ZBTB26: variants seen among roughly 807,000 people sequenced by gnomAD.
ZBTB26 encodes zinc finger and BTB domain-containing protein 26.
A neutral mutation model predicts 31.6 loss-of-function variants in ZBTB26; 12 were observed. The ratio of observed to expected loss-of-function variants is 0.38; its 90% CI spans 0.24 to 0.61. The LOEUF is 0.61. ZBTB26 is among the 20% of genes least tolerant of loss of function. The pLI is 0.60. For missense variants in ZBTB26, 311 were observed against 521.9 expected, an observed-to-expected ratio of 0.60 and a Z score of 3.94; for synonymous variants, 155 against 182.9, an observed-to-expected ratio of 0.85 and a Z score of 1.23.
At chr9:122,920,994 T>A (rs1833089512) in intron 1 of ZBTB26, among the ~76,000 whole-genome samples, 1 of 152,194 alleles carries the variant, frequency 6.6e-6, no homozygotes, top group African/African-American at 2.4e-5. Context: ...CTTCAGTGAC[T>A]TCCCGTTGTC....
intron 1 of ZBTB26, among the ~76,000 whole-genome samples, chr9:122,924,967 T>C (rs1833155671): frequency 1.3e-5 from 2 of 152,178 alleles, no homozygotes; most frequent in African/African-American, 4.8e-5. Flanking sequence ...AAAAAAAATT[T>C]TTTTTGATAG....
Position 122,919,924 on chromosome 9 carries a change from C to T in ZBTB26, c.11G>A (p.Arg4Lys). The part of the protein sequence containing the change: MSE[R>K]SDLLHFKFEN... ...AAACTTGAAGTGAAGGAGATCTGATCTTTCAGACATTTTGGCAGACCTAAA... is the reference window on the plus strand; with the variant it reads ...AAACTTGAAGTGAAGGAGATCTGATTTTTCAGACATTTTGGCAGACCTAAA... Residue 4 changes from arginine (R) to lysine (K), a missense_variant, in exon 2 of 2, where the codon AGA (arginine) becomes AAA (lysine). Physicochemically the swap from Arg to Lys is conservative, Grantham distance 26. This residue lies in a region of ZBTB26 where 25 missense variants were observed against 32.3 expected (regional missense o/e 0.77). Coordinates refer to ENST00000373656, the MANE Select transcript of ZBTB26 (RefSeq NM_020924.4). This position sits in a 1 kb window ranked among gnomAD's most constrained non-coding sequence, Gnocchi z 6.1. The T allele has an allele frequency of 3.2e-6, 5 of 1,579,032 alleles. No individual in the cohort carries two copies. Among genetic ancestry groups the T allele is most frequent in the Non-Finnish European group, 3.4e-6 (4 of 1,165,166 alleles).
At chr9:122,923,503 T>C (rs529501458) in intron 1 of ZBTB26, among the ~76,000 whole-genome samples, 1 of 152,368 alleles carries the variant, frequency 6.6e-6, no homozygotes, top group African/African-American at 2.4e-5. Context: ...TGGTCACTTT[T>C]AGCAACTGCA....
At position 122,918,538 on chromosome 9, in the gene ZBTB26, A is replaced by G; in HGVS notation, c.*71T>C. 6.5e-7 allele frequency: 1 copy of G among 1,538,060 alleles called. No individual in the cohort carries two copies. Among genetic ancestry groups the G allele is most frequent in the Non-Finnish European group, 8.7e-7 (1 of 1,147,960 alleles). On this transcript the variant is annotated 3_prime_UTR_variant, in exon 2 of 2. Transcript: ENST00000373656. Reference sequence around the variant, plus strand: ...GCTTTGGAGAAGTCAAACTAGCAAAATCACTCCTAAAAAGACTAAGACTAT... The same window carrying G: ...GCTTTGGAGAAGTCAAACTAGCAAAGTCACTCCTAAAAAGACTAAGACTAT...
intron 1 of ZBTB26, among the ~76,000 whole-genome samples, chr9:122,920,354 C>T (rs757770060): frequency 9.4e-4 from 143 of 152,164 alleles, no homozygotes; most frequent in Non-Finnish European, 1.2e-3. Flanking sequence ...AAACTGTGAA[C>T]CTGCTTCTTC....
At position 122,917,622 on chromosome 9, in the gene ZBTB26, A is replaced by C. The variant is rs1202740888; in HGVS notation, c.*987T>G. On this transcript the variant is annotated 3_prime_UTR_variant, in exon 2 of 2. Coordinates refer to ENST00000373656, the MANE Select transcript of ZBTB26 (RefSeq NM_020924.4). Reference sequence around the variant, plus strand: ...CTAACTTTTATCATCCGTTTTAGAAATTAAGGTACATGAGGAAACGAAAAT... The same window carrying C: ...CTAACTTTTATCATCCGTTTTAGAACTTAAGGTACATGAGGAAACGAAAAT... 1.3e-5 allele frequency: 2 copies of C among 152,200 alleles called. No homozygotes were observed. Among genetic ancestry groups the C allele is most frequent in the Non-Finnish European group, 2.9e-5 (2 of 68,030 alleles). 9.4% of individuals were successfully genotyped at this position (152,200 alleles called of 1,614,324 possible). A position where few individuals can be genotyped will look rare whatever the true frequency, so the allele number is the denominator to read the frequency against.
In ZBTB26 at chr9:122,917,853, C is replaced by T. The variant is rs1173463224; in HGVS notation, c.*756G>A. On this transcript the variant is annotated 3_prime_UTR_variant, in exon 2 of 2. Coordinates refer to ENST00000373656, the MANE Select transcript of ZBTB26 (RefSeq NM_020924.4). ...CACATTAATTATAAGCATATGGCCT[C>T]TTATGGGACATGCTACCAGAGAAAC... The T allele has an allele frequency of 1.3e-5, 2 of 152,210 alleles. No homozygotes were observed. The highest frequency in any genetic ancestry group is 4.8e-5 in the African/African-American group (2 of 41,438). The allele number at this position is 152,210 out of a possible 1,614,324, so 9.4% of individuals were successfully genotyped here. A position where few individuals can be genotyped will look rare whatever the true frequency, so the allele number is the denominator to read the frequency against.
At chr9:122,927,167 T>C (rs776085914) in intron 1 of ZBTB26, among the ~76,000 whole-genome samples, 1 of 152,228 alleles carries the variant, frequency 6.6e-6, no homozygotes, top group Non-Finnish European at 1.5e-5. Context: ...CTGAATACTG[T>C]TGAGTTTCTA....
chr9:122,927,400 T>C (rs1252278918), intron 1 of ZBTB26, among the ~76,000 whole-genome samples: 1 of 152,230 alleles, frequency 6.6e-6, no homozygotes. Context: ...TTTTCTCAAA[T>C]GCTTCTAATA....
intron 1 of ZBTB26, among the ~76,000 whole-genome samples, chr9:122,927,923 C>T (rs1200026774): frequency 2.0e-5 from 3 of 152,030 alleles, no homozygotes; most frequent in South Asian, 4.1e-4. Context: ...GCAACCTCCA[C>T]CTCCGAGTTC....
chr9:122,920,461 A>G (rs943410144), intron 1 of ZBTB26, among the ~76,000 whole-genome samples: 1 of 152,230 alleles, frequency 6.6e-6, no homozygotes, highest in African/African-American at 2.4e-5. Flanking sequence ...TGAAGAAGAG[A>G]GAACCTACAG....
Position 122,919,522 on chromosome 9 carries a change from C to G in ZBTB26, c.413G>C (p.Gly138Ala), listed in dbSNP as rs765903915. Residue 138 changes from glycine to alanine, a missense_variant, in exon 2 of 2, where the codon GGA becomes GCA. Gly to Ala is a moderately conservative substitution (Grantham distance 60). Coordinates refer to ENST00000373656, the MANE Select transcript of ZBTB26 (RefSeq NM_020924.4). This position sits in a 1 kb window ranked among gnomAD's most constrained non-coding sequence, Gnocchi z 6.1. ...KPKQPMDSKE[G>A]CEPQSASPQS... is the part of the protein sequence containing the mutation. ...GGGAGAAGCACTCTGTGGTTCACATCCCTCTTTACTATCCATTGGTTGTTT... is the reference window on the plus strand; with the variant it reads ...GGGAGAAGCACTCTGTGGTTCACATGCCTCTTTACTATCCATTGGTTGTTT... The G allele has an allele frequency of 6.2e-7, 1 of 1,614,054 alleles. No homozygotes were observed. The highest frequency in any genetic ancestry group is 1.1e-5 in the South Asian group (1 of 91,084).
Position 122,917,717 on chromosome 9 carries a change from G to A in ZBTB26, c.*892C>T, listed in dbSNP as rs1833032910. 6.6e-6 allele frequency: 1 copy of A among 152,182 alleles called. No individual in the cohort carries two copies. The highest frequency in any genetic ancestry group is 2.1e-4 in the South Asian group (1 of 4,834). The allele number at this position is 152,182 out of a possible 1,614,324, so 9.4% of individuals were successfully genotyped here. On this transcript the variant is annotated 3_prime_UTR_variant, in exon 2 of 2. Transcript: ENST00000373656. Reference sequence around the variant, plus strand: ...CTCACCTTTCTGATGGCTAAACTCTGAAACAAAATTCAGAGACTCCCAAAT... The same window carrying A: ...CTCACCTTTCTGATGGCTAAACTCTAAAACAAAATTCAGAGACTCCCAAAT...
chr9:122,930,008 T>C (rs1833244305), intron 1 of ZBTB26, among the ~76,000 whole-genome samples: 1 of 152,054 alleles, frequency 6.6e-6, no homozygotes, highest in African/African-American at 2.4e-5. Flanking sequence ...AATGCAAGCA[T>C]TACCCTCCCC....
intron 1 of ZBTB26, among the ~76,000 whole-genome samples, chr9:122,930,242 T>C (rs1420083102): frequency 6.6e-6 from 1 of 152,216 alleles, no homozygotes; most frequent in Non-Finnish European, 1.5e-5. Flanking sequence ...ACTAAGCTTA[T>C]GGCTTTATTT....
Position 122,915,638 on chromosome 9 carries a change from T to C in ZBTB26, c.*2971A>G, listed in dbSNP as rs562760281. ...GAGGTAGTTCATAGTATGTCTAACATACAACAGATTTAGAACAGCTATTCA... is the reference window on the plus strand; with the variant it reads ...GAGGTAGTTCATAGTATGTCTAACACACAACAGATTTAGAACAGCTATTCA... On this transcript the variant is annotated 3_prime_UTR_variant, in exon 2 of 2. Transcript: ENST00000373656. 1.7e-4 allele frequency: 26 copies of C among 152,324 alleles called. No homozygotes were observed. Among genetic ancestry groups the C allele is most frequent in the Admixed American group, 3.9e-4 (6 of 15,300 alleles). The allele number at this position is 152,324 out of a possible 1,614,324, so 9.4% of individuals were successfully genotyped here. A position where few individuals can be genotyped will look rare whatever the true frequency, so the allele number is the denominator to read the frequency against.
intron 1 of ZBTB26, among the ~76,000 whole-genome samples, chr9:122,925,651 T>G (rs545122263): frequency 3.7e-4 from 56 of 152,086 alleles, no homozygotes; most frequent in Admixed American, 1.8e-3. Context: ...CAGGCTGGAG[T>G]GCAATGGCGT....
At chr9:122,921,566 T>G (rs1245325764) in intron 1 of ZBTB26, among the ~76,000 whole-genome samples, 1 of 152,206 alleles carries the variant, frequency 6.6e-6, no homozygotes, top group East Asian at 1.9e-4. Context: ...TTATTCTTAT[T>G]CCTTAATGCC....
At chr9:122,926,002 A>G (rs1182334287) in intron 1 of ZBTB26, among the ~76,000 whole-genome samples, 2 of 151,850 alleles carry the variant, frequency 1.3e-5, no homozygotes, top group African/African-American at 2.4e-5. Flanking sequence ...CGGGTGATTC[A>G]CCTGCTTCGG....
Sources: gnomAD v4.1 joint callset for allele counts (sites outside exome capture counted in the v4.1 genomes callset) on GRCh38, gnomAD v4.1.1 for gene constraint, gnomAD v4.1.1 regional missense constraint, Gnocchi (gnomAD v3.1) non-coding constraint, MANE v1.5 for transcripts, NCBI Gene and HGNC (gene_info 2026-07-23, HGNC 2026-07-21) for gene names.